Variants in CA10 observed in about 807,000 individuals in gnomAD.
The protein encoded by CA10 is carbonic anhydrase-related protein 10.
CA10 carries 14 observed loss-of-function variants against 44.2 expected under a neutral mutation model. The ratio of observed to expected loss-of-function variants is 0.32; its 90% CI spans 0.21 to 0.50. CA10 has a LOEUF of 0.50. CA10 is among the 20% of genes least tolerant of loss of function. The pLI is 0.99. For missense variants in CA10, 350 were observed against 409.7 expected, an observed-to-expected ratio of 0.85 and a Z score of 1.26; for synonymous variants, 159 against 141.6, an observed-to-expected ratio of 1.12 and a Z score of -0.87.
chr17:52,092,102 T>C (rs1988282458), intron 1 of CA10, among the ~76,000 whole-genome samples: 1 of 152,170 alleles, frequency 6.6e-6, no homozygotes, highest in African/African-American at 2.4e-5. Context: ...TGTCCCTGTC[T>C]CCTTCTGACT....
At chr17:51,842,855 G>C (rs1346290419) in intron 3 of CA10, among the ~76,000 whole-genome samples, 1 of 152,104 alleles carries the variant, frequency 6.6e-6, no homozygotes, top group Non-Finnish European at 1.5e-5. Context: ...ACTTCTGAGA[G>C]ACAACTAAAA....
intron 3 of CA10, among the ~76,000 whole-genome samples, chr17:51,852,970 C>T (rs889803057): frequency 6.6e-6 from 1 of 151,876 alleles, no homozygotes; most frequent in Non-Finnish European, 1.5e-5. Context: ...AATTTAGAAA[C>T]CCTAATTTGT....
At chr17:52,015,160 A>G (rs1187997574) in intron 2 of CA10, among the ~76,000 whole-genome samples, 4 of 152,088 alleles carry the variant, frequency 2.6e-5, no homozygotes, top group Admixed American at 1.3e-4. Flanking sequence ...CAAAAAACAA[A>G]CAACAAACTG....
intron 4 of CA10, among the ~76,000 whole-genome samples, chr17:51,687,632 T>C (rs1915051817): frequency 6.6e-6 from 1 of 152,188 alleles, no homozygotes; most frequent in South Asian, 2.1e-4. Flanking sequence ...CAATCCATAG[T>C]GAAATGAGAA....
chr17:51,670,499 T>TC (rs1420279036), intron 4 of CA10, among the ~76,000 whole-genome samples: 1 of 151,876 alleles, frequency 6.6e-6, no homozygotes, highest in Non-Finnish European at 1.5e-5. Context: ...TTTTTTTTTT[T>TC]CCCCCTGGAA....
intron 1 of CA10, among the ~76,000 whole-genome samples, chr17:52,100,748 C>T (rs1364164587): frequency 6.6e-6 from 1 of 152,152 alleles, no homozygotes; most frequent in South Asian, 2.1e-4. Flanking sequence ...CTCCAAGGAA[C>T]ATCTCAAATA....
At chr17:51,935,131 T>C (rs1037799612) in intron 2 of CA10, among the ~76,000 whole-genome samples, 1 of 152,124 alleles carries the variant, frequency 6.6e-6, no homozygotes, top group Non-Finnish European at 1.5e-5. Context: ...CTACCCTTCA[T>C]AGTGTTATCT....
chr17:51,700,736 G>A (rs569830320), intron 4 of CA10, among the ~76,000 whole-genome samples: 3 of 152,132 alleles, frequency 2.0e-5, no homozygotes, highest in Non-Finnish European at 2.9e-5. Context: ...AAGTGGTCAC[G>A]TTCCTGGGCT....
chr17:51,838,515 G>A (rs1210936335), intron 3 of CA10, among the ~76,000 whole-genome samples: 1 of 152,180 alleles, frequency 6.6e-6, no homozygotes, highest in Non-Finnish European at 1.5e-5. Context: ...CAACTACAGG[G>A]GATGGGACTG....
At chr17:51,888,684 GACCGTCTTCTA>G (rs147270256) in intron 3 of CA10, among the ~76,000 whole-genome samples, 3,067 of 152,250 alleles carry the variant, frequency 0.02, 85 homozygotes, top group African/African-American at 0.07. Flanking sequence ...ATTCCAATTT[GACCGTCTTCTA>G]GATCTTGGTA....
intron 3 of CA10, among the ~76,000 whole-genome samples, chr17:51,889,468 G>A (rs528380439): frequency 6.6e-6 from 1 of 152,260 alleles, no homozygotes; most frequent in East Asian, 1.9e-4. Context: ...AGGCTGCAGT[G>A]AACCATGATT....
chr17:52,092,264 G>A (rs1028317680), intron 1 of CA10, among the ~76,000 whole-genome samples: 1 of 152,090 alleles, frequency 6.6e-6, no homozygotes, highest in African/African-American at 2.4e-5. Flanking sequence ...GACTAATATA[G>A]CATTTACTTT....
chr17:51,670,092 C>T (rs1367725083), intron 4 of CA10, among the ~76,000 whole-genome samples: 1 of 152,222 alleles, frequency 6.6e-6, no homozygotes, highest in African/African-American at 2.4e-5. Context: ...TTTCATCTTC[C>T]ACCATGATTG....
intron 2 of CA10, among the ~76,000 whole-genome samples, chr17:51,974,710 C>T (rs1306870261): frequency 5.3e-5 from 8 of 152,094 alleles, no homozygotes; most frequent in Admixed American, 3.9e-4. Context: ...ATTTTAAAAG[C>T]TGTCAGAAAA....
intron 2 of CA10, among the ~76,000 whole-genome samples, chr17:52,061,346 G>A (rs1987379988): frequency 6.6e-6 from 1 of 152,144 alleles, no homozygotes; most frequent in African/African-American, 2.4e-5. Context: ...TCTAGAAGGT[G>A]GAGAAGGCAA....
At chr17:51,727,090 CCCTGTTGCCTCCACA>C (rs1916552081) in intron 4 of CA10, among the ~76,000 whole-genome samples, 2 of 152,316 alleles carry the variant, frequency 1.3e-5, no homozygotes, top group African/African-American at 4.8e-5. Flanking sequence ...TCATCTCTCT[CCCTGTTGCCTCCACA>C]CCATCTTGGG....
intron 2 of CA10, among the ~76,000 whole-genome samples, chr17:51,995,151 T>C (rs1028920884): frequency 6.6e-6 from 1 of 152,180 alleles, no homozygotes; most frequent in Non-Finnish European, 1.5e-5. Context: ...TTATGGTTGA[T>C]ACACAAAGTT....
intron 1 of CA10, among the ~76,000 whole-genome samples, chr17:52,081,605 C>T (rs1174694132): frequency 6.6e-6 from 1 of 151,874 alleles, no homozygotes; most frequent in Non-Finnish European, 1.5e-5. Flanking sequence ...TCGAGACCAT[C>T]CCGGCTAAAA....
At chr17:51,844,551 C>T (rs368640790) in intron 3 of CA10, among the ~76,000 whole-genome samples, 1 of 152,044 alleles carries the variant, frequency 6.6e-6, no homozygotes, top group East Asian at 1.9e-4. Context: ...CTTAAAATAG[C>T]GTTTTCTAGG....
Sources: allele counts gnomAD v4.1 joint callset (sites outside exome capture counted in the v4.1 genomes callset), GRCh38; gene constraint gnomAD v4.1.1; transcripts MANE v1.5; gene names NCBI Gene and HGNC (gene_info 2026-07-23, HGNC 2026-07-21).